The following KIF13A variants were observed in gnomAD, a reference collection of about 807,000 sequenced individuals.
The protein encoded by KIF13A is kinesin family member 13A.
In KIF13A, 79 loss-of-function variants were observed where a neutral mutation model predicts 212.2. The observed-to-expected ratio is 0.37, with a 90% CI of 0.31 to 0.45. The LOEUF is 0.45. Ranked by LOEUF, KIF13A falls within the 20% of genes least tolerant of loss-of-function variation. The pLI is 1.00. For synonymous variants in KIF13A, 789 were observed against 808.6 expected (o/e 0.98, Z 0.41); for missense variants, 1,901 against 2,209.0 (o/e 0.86, Z 2.79).
At chr6:17,941,895 T>C (rs147112341) in intron 2 of KIF13A, among the ~76,000 whole-genome samples, 2,941 of 152,152 alleles carry the variant, frequency 0.019, 42 homozygotes, top group Non-Finnish European at 0.031. Flanking sequence ...TTAACGTTAT[T>C]ATTAGAGATA....
chr6:17,791,913 A>AG (rs1320299892), intron 25 of KIF13A, among the ~76,000 whole-genome samples: 1 of 149,328 alleles, frequency 6.7e-6, no homozygotes, highest in Non-Finnish European at 1.5e-5. Flanking sequence ...AAAAAAAAAA[A>AG]AAAAAAAGTA....
intron 4 of KIF13A, among the ~76,000 whole-genome samples, chr6:17,860,189 T>G: frequency 6.6e-6 from 1 of 151,900 alleles, no homozygotes; most frequent in Non-Finnish European, 1.5e-5. Flanking sequence ...ACTGCACAAT[T>G]TTTTTTTCTT....
Position 17,777,396 on chromosome 6 carries a change from T to C in KIF13A, c.4093-42A>G, listed in dbSNP as rs775251753. 1.2e-4 allele frequency: 168 copies of C among 1,437,444 alleles called. No individual in the cohort carries two copies. Among genetic ancestry groups the C allele is most frequent in the African/African-American group, 9.1e-4 (65 of 71,124 alleles). 89.0% of individuals were successfully genotyped at this position (1,437,444 alleles called of 1,614,324 possible). On this transcript the variant is annotated intron_variant, in intron 33 of 38. Coordinates refer to ENST00000259711, the MANE Select transcript of KIF13A (RefSeq NM_022113.6). The surrounding 1 kb of genome is among the most constrained non-coding windows in gnomAD (Gnocchi z 4.4). Reference sequence around the variant, plus strand: ...TTGAAAATAACACTTTTTTTTTTTTTCCCCAGAGACAGAGTCTCACTCTGT... The same window carrying C: ...TTGAAAATAACACTTTTTTTTTTTTCCCCCAGAGACAGAGTCTCACTCTGT...
Position 17,772,085 on chromosome 6 carries a change from T to A in KIF13A, c.4325-26A>T, listed in dbSNP as rs549625836. Reference sequence around the variant, plus strand: ...CTAGGGAAGATGAGAAGTTATGAGGTTACAGATGCTGAACACTTTAAGCAA... The same window carrying A: ...CTAGGGAAGATGAGAAGTTATGAGGATACAGATGCTGAACACTTTAAGCAA... On this transcript the variant is annotated intron_variant, in intron 36 of 38. Transcript: ENST00000259711. The surrounding 1 kb of genome is among the most constrained non-coding windows in gnomAD (Gnocchi z 4.8). 9.1e-5 allele frequency: 147 copies of A among 1,610,156 alleles called. 1 individual carries two copies. In the South Asian group the frequency reaches 1.6e-3, roughly 17 times the overall value.
chr6:17,868,910 C>T (rs1484481040), intron 4 of KIF13A, among the ~76,000 whole-genome samples: 2 of 133,992 alleles, frequency 1.5e-5, no homozygotes, highest in Admixed American at 8.4e-5. Context: ...AGGAGAATCG[C>T]TTGAACCCAA....
chr6:17,869,019 A>AAAAAAAAAAAAAAACC (rs1554187445), intron 4 of KIF13A, among the ~76,000 whole-genome samples: 1 of 126,514 alleles, frequency 7.9e-6, no homozygotes. Context: ...AAAAAAAAAA[A>AAAAAAAAAAAAAAACC]ACACAAATAA....
intron 18 of KIF13A, among the ~76,000 whole-genome samples, chr6:17,806,375 A>G (rs1762950950): frequency 6.6e-6 from 1 of 152,222 alleles, no homozygotes; most frequent in Non-Finnish European, 1.5e-5. Context: ...ATCCTTGTGT[A>G]TAAATCTCTA....
Position 17,967,035 on chromosome 6 carries a change from T to C in KIF13A, c.146+20019A>G, listed in dbSNP as rs931365983. 1.3e-5 allele frequency among the ~76,000 whole-genome samples: 2 copies of C among 152,168 alleles called. No homozygotes were observed. The highest frequency in any genetic ancestry group is 4.8e-5 in the African/African-American group (2 of 41,428). Reference sequence around the variant, plus strand: ...CCAAATATTCCAGCAGTACCTAACTTGATTTAGTAGACACTCTATTCCCTT... The same window carrying C: ...CCAAATATTCCAGCAGTACCTAACTCGATTTAGTAGACACTCTATTCCCTT... On this transcript the variant is annotated intron_variant, in intron 2 of 38. Transcript: ENST00000259711. The surrounding 1 kb of genome is among the most constrained non-coding windows in gnomAD (Gnocchi z 4.1).
Position 17,837,095 on chromosome 6 carries a change from C to G in KIF13A, c.943-5G>C. ...GCTGTTGCCCCCCAAGTTGTCCTGC[C>G]AAGTATTTCAAACAGCATCTTAGGA... On this transcript the variant is annotated splice_region_variant and splice_polypyrimidine_tract_variant and intron_variant, in intron 10 of 38. Coordinates refer to ENST00000259711, the MANE Select transcript of KIF13A (RefSeq NM_022113.6). This position sits in a 1 kb window ranked among gnomAD's most constrained non-coding sequence, Gnocchi z 5.4. 6.2e-7 allele frequency: 1 copy of G among 1,612,874 alleles called. No individual in the cohort carries two copies. The highest frequency in any genetic ancestry group is 1.1e-5 in the South Asian group (1 of 91,040).
intron 6 of KIF13A, 93 bp from the exon 7 acceptor site, chr6:17,852,135 C>T (rs1307794735): frequency 5.3e-6 from 3 of 560,904 alleles, no homozygotes; most frequent in African/African-American, 2.0e-5. Flanking sequence ...ATAACAATTT[C>T]AAAAGAATTT....
intron 3 of KIF13A, among the ~76,000 whole-genome samples, chr6:17,879,788 A>G (rs1770892926): frequency 1.3e-5 from 2 of 152,146 alleles, no homozygotes; most frequent in South Asian, 4.1e-4. Context: ...CCTTCCTTTC[A>G]TGCCAAAATG....
At chr6:17,922,910 C>A (rs1265915323) in intron 2 of KIF13A, among the ~76,000 whole-genome samples, 5 of 151,816 alleles carry the variant, frequency 3.3e-5, no homozygotes, top group Non-Finnish European at 5.9e-5. Flanking sequence ...AGGTGTGAGC[C>A]ACCACACCCA....
Position 17,907,553 on chromosome 6 carries a change from G to GA in KIF13A, c.147-9374dup, listed in dbSNP as rs111706430. ...CCTCCAAGAAGGAAAGGCATTTATGGAAAAAAAAAAAAAAGGAACTGGTAT... is the reference window on the plus strand; with the variant it reads ...CCTCCAAGAAGGAAAGGCATTTATGGAAAAAAAAAAAAAAAGGAACTGGTAT... On this transcript the variant is annotated intron_variant, in intron 2 of 38. Coordinates refer to ENST00000259711, the MANE Select transcript of KIF13A (RefSeq NM_022113.6). 9.0e-3 allele frequency among the ~76,000 whole-genome samples: 1,211 copies of GA among 134,534 alleles called. 11 individuals carry two copies. Among genetic ancestry groups the GA allele is most frequent in the African/African-American group, 0.026 (961 of 36,908 alleles). The allele number at this position is 134,534 out of a possible 152,430, so 88.3% of individuals were successfully genotyped here.
In KIF13A at chr6:17,912,459, C is replaced by T. The variant is rs940849740; in HGVS notation, c.147-14279G>A. ...CGCAGGTTTGAATCAGACACCTATA[C>T]TTCAAGCTCCCTGCACTTGGAGCCT... On this transcript the variant is annotated intron_variant, in intron 2 of 38. Coordinates refer to ENST00000259711, the MANE Select transcript of KIF13A (RefSeq NM_022113.6). The surrounding 1 kb of genome is among the most constrained non-coding windows in gnomAD (Gnocchi z 4.2). Among the ~76,000 whole-genome samples, 4 of 152,346 alleles carry T rather than the reference C, an allele frequency of 2.6e-5. No homozygotes were observed. The highest frequency in any genetic ancestry group is 2.6e-4 in the Admixed American group (4 of 15,310).
Position 17,968,993 on chromosome 6 carries a change from T to C in KIF13A, c.146+18061A>G, listed in dbSNP as rs1779565602. On this transcript the variant is annotated intron_variant, in intron 2 of 38. Transcript: ENST00000259711. This position sits in a 1 kb window ranked among gnomAD's most constrained non-coding sequence, Gnocchi z 4.7. ...TCATTATATTCAACTATAAAACATC[T>C]ACATCAGGTTGGTGTAGGGTCCACT... Among the ~76,000 whole-genome samples, 2 of 152,060 alleles carry C rather than the reference T, an allele frequency of 1.3e-5. No individual in the cohort carries two copies. The highest frequency in any genetic ancestry group is 2.9e-5 in the Non-Finnish European group (2 of 68,026).
chr6:17,943,400 ATTTTTTT>A (rs11311833), intron 2 of KIF13A, among the ~76,000 whole-genome samples: 2 of 132,290 alleles, frequency 1.5e-5, no homozygotes, highest in East Asian at 4.3e-4. Context: ...TAAAACACAG[ATTTTTTT>A]TTTTTTTTTT....
chr6:17,789,776 G>A lies in KIF13A; in HGVS notation c.3261+96C>T. On this transcript the variant is annotated intron_variant, in intron 26 of 38. Transcript: ENST00000259711. The surrounding 1 kb of genome is among the most constrained non-coding windows in gnomAD (Gnocchi z 4.8). Reference sequence around the variant, plus strand: ...TGAAAAACTGCATATTCTCGCTCTAGGGCCCTCCTTCCTCCTCCCTGGCCT... The same window carrying A: ...TGAAAAACTGCATATTCTCGCTCTAAGGCCCTCCTTCCTCCTCCCTGGCCT... 1.1e-6 allele frequency: 1 copy of A among 941,688 alleles called. No homozygotes were observed. Among genetic ancestry groups the A allele is most frequent in the Non-Finnish European group, 1.7e-6 (1 of 597,516 alleles). The allele number at this position is 941,688 out of a possible 1,614,324, so 58.3% of individuals were successfully genotyped here. A position where few individuals can be genotyped will look rare whatever the true frequency, so the allele number is the denominator to read the frequency against.
chr6:17,905,848 C>A (rs1012868353), intron 2 of KIF13A, among the ~76,000 whole-genome samples: 3 of 152,120 alleles, frequency 2.0e-5, no homozygotes, highest in Admixed American at 1.3e-4. Flanking sequence ...GAAAGTGAGA[C>A]CTGGGATGAT....
At chr6:17,868,035 C>T (rs1239325150) in intron 4 of KIF13A, among the ~76,000 whole-genome samples, 2 of 152,224 alleles carry the variant, frequency 1.3e-5, no homozygotes, top group Non-Finnish European at 2.9e-5. Flanking sequence ...GGCAGATGTA[C>T]AACCTTTCTC....
Sources: allele counts gnomAD v4.1 joint callset (sites outside exome capture counted in the v4.1 genomes callset), GRCh38; gene constraint gnomAD v4.1.1; non-coding constraint Gnocchi (gnomAD v3.1); transcripts MANE v1.5; gene names NCBI Gene and HGNC (gene_info 2026-07-23, HGNC 2026-07-21).